Variants in CNTN5 observed in about 807,000 individuals in gnomAD.
CNTN5 encodes contactin-5.
Under a neutral mutation model 129.1 loss-of-function variants are expected in CNTN5, and 77 were observed. The observed-to-expected ratio is 0.60, with a 90% CI of 0.50 to 0.72. The LOEUF (loss-of-function observed/expected upper bound fraction) is 0.72, where lower values mean the gene tolerates loss of function less well. CNTN5 is among the 30% of genes least tolerant of loss of function. The pLI is 0.00. For missense variants in CNTN5, 1,478 were observed against 1,328.8 expected, an observed-to-expected ratio of 1.11 and a Z score of -1.75; for synonymous variants, 509 against 465.6, an observed-to-expected ratio of 1.09 and a Z score of -1.20.
At chr11:99,240,129 T>G (rs1447529451) in intron 1 of CNTN5, among the ~76,000 whole-genome samples, 1 of 152,164 alleles carries the variant, frequency 6.6e-6, no homozygotes, top group African/African-American at 2.4e-5. Context: ...TCTATTACTA[T>G]CTCAGATTCC....
chr11:99,335,977 AAC>A (rs1443595482), intron 2 of CNTN5, among the ~76,000 whole-genome samples: 2 of 152,192 alleles, frequency 1.3e-5, no homozygotes, highest in Non-Finnish European at 2.9e-5. Context: ...ATTCCCTGGA[AAC>A]ACAGAGAATC....
intron 9 of CNTN5, among the ~76,000 whole-genome samples, chr11:100,029,103 T>C (rs1054397417): frequency 6.6e-6 from 1 of 151,944 alleles, no homozygotes; most frequent in African/African-American, 2.4e-5. Flanking sequence ...CTACCATTAG[T>C]TTTTCTGCCT....
chr11:99,825,046 TGTTA>T (rs1399170912), intron 4 of CNTN5, among the ~76,000 whole-genome samples: 2 of 152,026 alleles, frequency 1.3e-5, no homozygotes, highest in South Asian at 2.1e-4. Flanking sequence ...CTGTTATTTC[TGTTA>T]GTTCTTGCTC....
chr11:99,742,713 G>A (rs911661036), intron 3 of CNTN5, among the ~76,000 whole-genome samples: 1 of 152,100 alleles, frequency 6.6e-6, no homozygotes, highest in African/African-American at 2.4e-5. Context: ...AGAAATTTAC[G>A]CTGGATCCTA....
intron 10 of CNTN5, among the ~76,000 whole-genome samples, chr11:100,061,707 C>A (rs781302012): frequency 1.3e-5 from 2 of 152,162 alleles, no homozygotes; most frequent in Non-Finnish European, 2.9e-5. Flanking sequence ...TTAACTTATT[C>A]TACAACTTGG....
intron 2 of CNTN5, among the ~76,000 whole-genome samples, chr11:99,553,719 G>A (rs1354324335): frequency 3.3e-5 from 5 of 151,470 alleles, no homozygotes; most frequent in African/African-American, 9.7e-5. Flanking sequence ...GCATTATGTT[G>A]TACTACATAA....
Position 99,679,197 on chromosome 11 carries a change from A to AATATATATATATATATAT in CNTN5, c.55+122943_55+122944insTATATATATATATATATA, listed in dbSNP as rs34768290. 5.5e-4 allele frequency among the ~76,000 whole-genome samples: 80 copies of AATATATATATATATATAT among 146,082 alleles called. 1 individual carries two copies. Among genetic ancestry groups the AATATATATATATATATAT allele is most frequent in the African/African-American group, 1.9e-3 (76 of 40,318 alleles). ...ATATATAAATATTTTATATATAGGG[A>AATATATATATATATATAT]ATATATATATATATAAAGAGATTAT... On this transcript the variant is annotated intron_variant, in intron 3 of 24. Coordinates refer to ENST00000524871, the MANE Select transcript of CNTN5 (RefSeq NM_014361.4).
At chr11:99,060,686 A>G (rs1461694023) in intron 1 of CNTN5, among the ~76,000 whole-genome samples, 1 of 152,108 alleles carries the variant, frequency 6.6e-6, no homozygotes, top group African/African-American at 2.4e-5. Context: ...AACTCAGACA[A>G]TGCATCATTT....
intron 1 of CNTN5, among the ~76,000 whole-genome samples, chr11:99,307,898 A>G (rs1864943730): frequency 6.6e-6 from 1 of 152,192 alleles, no homozygotes; most frequent in Non-Finnish European, 1.5e-5. Flanking sequence ...AGCCAAACAC[A>G]TACACCCAAA....
chr11:99,850,473 A>T (rs1382452740), intron 6 of CNTN5, among the ~76,000 whole-genome samples: 2 of 152,174 alleles, frequency 1.3e-5, no homozygotes, highest in African/African-American at 4.8e-5. Flanking sequence ...TTAAGCAAGT[A>T]TAAAGCAAAT....
chr11:99,897,815 A>G (rs1029713027), intron 6 of CNTN5, among the ~76,000 whole-genome samples: 1 of 152,206 alleles, frequency 6.6e-6, no homozygotes, highest in African/African-American at 2.4e-5. Flanking sequence ...TTGAATCTAA[A>G]TGACCTACAT....
chr11:100,081,093 T>G (rs185836997), intron 13 of CNTN5, among the ~76,000 whole-genome samples: 1 of 152,144 alleles, frequency 6.6e-6, no homozygotes. Context: ...GAAAGCTAAC[T>G]GCACAAGACT....
chr11:99,653,093 A>G (rs1368669893), intron 3 of CNTN5, among the ~76,000 whole-genome samples: 1 of 152,026 alleles, frequency 6.6e-6, no homozygotes, highest in Admixed American at 6.6e-5. Flanking sequence ...TTTCAATTTT[A>G]TTGGTGACAA....
At chr11:99,896,719 A>G (rs546086503) in intron 6 of CNTN5, among the ~76,000 whole-genome samples, 4 of 152,288 alleles carry the variant, frequency 2.6e-5, no homozygotes, top group East Asian at 1.9e-4. Flanking sequence ...TCACCTTTGC[A>G]TGCTTCAAAC....
At chr11:99,250,392 A>T (rs533755556) in intron 1 of CNTN5, among the ~76,000 whole-genome samples, 1 of 152,084 alleles carries the variant, frequency 6.6e-6, no homozygotes, top group Admixed American at 6.6e-5. Flanking sequence ...AAATACATGA[A>T]GGATATTAAA....
At chr11:99,088,463 AC>A (rs1866091734) in intron 1 of CNTN5, among the ~76,000 whole-genome samples, 1 of 152,170 alleles carries the variant, frequency 6.6e-6, no homozygotes, top group Admixed American at 6.5e-5. Flanking sequence ...CTGCCAGATG[AC>A]CAAAAAATTA....
At chr11:99,335,765 C>A (rs1005868228) in intron 2 of CNTN5, among the ~76,000 whole-genome samples, 4 of 152,124 alleles carry the variant, frequency 2.6e-5, no homozygotes, top group Non-Finnish European at 5.9e-5. Flanking sequence ...AGATTCCTTT[C>A]AAGCTGCCCT....
intron 1 of CNTN5, among the ~76,000 whole-genome samples, chr11:99,159,158 C>A (rs1860472597): frequency 6.6e-6 from 1 of 152,094 alleles, no homozygotes; most frequent in Non-Finnish European, 1.5e-5. Flanking sequence ...TTCTCTGTTT[C>A]TTTAGTGCTG....
intron 1 of CNTN5, among the ~76,000 whole-genome samples, chr11:99,169,697 G>A (rs971440017): frequency 2.6e-5 from 4 of 151,956 alleles, no homozygotes; most frequent in African/African-American, 9.7e-5. Flanking sequence ...TTCAAAAAGA[G>A]GAAGATAAAG....
Sources: allele counts gnomAD v4.1 joint callset (sites outside exome capture counted in the v4.1 genomes callset), GRCh38; gene constraint gnomAD v4.1.1; transcripts MANE v1.5; gene names NCBI Gene and HGNC (gene_info 2026-07-23, HGNC 2026-07-21).